Variants in MGMT observed in about 807,000 individuals in gnomAD.
The protein encoded by MGMT is O-6-methylguanine-DNA methyltransferase, also known as methylated-DNA--protein-cysteine methyltransferase.
Under a neutral mutation model 15.9 loss-of-function variants are expected in MGMT, and 14 were observed. That is an observed-to-expected ratio of 0.88 (90% confidence interval 0.58 to 1.37). The LOEUF (loss-of-function observed/expected upper bound fraction) is 1.37, where lower values mean the gene tolerates loss of function less well. MGMT is among the 40% of genes most tolerant of loss of function. The pLI, the probability that MGMT is intolerant of heterozygous loss-of-function variation, is 0.00. For synonymous variants in MGMT, 130 were observed against 118.2 expected (o/e 1.10, Z -0.65); for missense variants, 282 against 268.1 (o/e 1.05, Z -0.36).
intron 4 of MGMT, among the ~76,000 whole-genome samples, chr10:129,766,400 A>G (rs1376912967): frequency 6.6e-6 from 1 of 152,054 alleles, no homozygotes; most frequent in Admixed American, 6.5e-5. Flanking sequence ...GTACCTGGGG[A>G]GTGTTTGAGA....
chr10:129,581,944 G>T (rs1469371675), intron 2 of MGMT, among the ~76,000 whole-genome samples: 3 of 152,216 alleles, frequency 2.0e-5, no homozygotes, highest in Non-Finnish European at 4.4e-5. Context: ...ACTTTCTGCT[G>T]CCTGGCCGGC....
At chr10:129,660,775 AACACACAC>A (rs10634898) in intron 2 of MGMT, among the ~76,000 whole-genome samples, 23 of 149,148 alleles carry the variant, frequency 1.5e-4, no homozygotes, top group African/African-American at 4.7e-4. Context: ...CCCCACCCCC[AACACACAC>A]ACACACACAC....
At chr10:129,536,636 G>C (rs1845988572) in intron 2 of MGMT, 2 of 365,324 alleles carry the variant, frequency 5.5e-6, no homozygotes, top group Non-Finnish European at 4.8e-6. Flanking sequence ...GTAGCTCTAA[G>C]ATGTTTGATT....
intron 2 of MGMT, among the ~76,000 whole-genome samples, chr10:129,676,118 G>A (rs1439673141): frequency 1.3e-5 from 2 of 152,212 alleles, no homozygotes; most frequent in Non-Finnish European, 2.9e-5. Context: ...CCCACACCCA[G>A]ATGGGGAGTC....
intron 1 of MGMT, among the ~76,000 whole-genome samples, chr10:129,486,329 A>G (rs1415033644): frequency 1.3e-5 from 2 of 151,956 alleles, no homozygotes; most frequent in African/African-American, 4.8e-5. Flanking sequence ...CTGGGATTAC[A>G]GGTGCCCATC....
chr10:129,590,489 A>G (rs1331336777), intron 2 of MGMT, among the ~76,000 whole-genome samples: 2 of 152,230 alleles, frequency 1.3e-5, no homozygotes, highest in Non-Finnish European at 2.9e-5. Flanking sequence ...GTGAATCTCT[A>G]TCAGAGCAAA....
chr10:129,549,665 G>A (rs1397952646), intron 2 of MGMT, among the ~76,000 whole-genome samples: 1 of 152,128 alleles, frequency 6.6e-6, no homozygotes, highest in Non-Finnish European at 1.5e-5. Context: ...TTGCAAGCTG[G>A]AACAGTTTTG....
intron 3 of MGMT, among the ~76,000 whole-genome samples, chr10:129,748,699 A>G (rs1589974546): frequency 1.3e-5 from 2 of 152,306 alleles, no homozygotes; most frequent in South Asian, 2.1e-4. Context: ...ACATTTCTGT[A>G]TGCAATTATC....
chr10:129,505,297 T>C (rs1845614454), intron 1 of MGMT, among the ~76,000 whole-genome samples: 1 of 152,222 alleles, frequency 6.6e-6, no homozygotes, highest in African/African-American at 2.4e-5. Context: ...TATGATAGCC[T>C]ACTTTGACTC....
intron 2 of MGMT, among the ~76,000 whole-genome samples, chr10:129,634,648 G>T (rs1847246066): frequency 6.6e-6 from 1 of 151,352 alleles, no homozygotes; most frequent in Non-Finnish European, 1.5e-5. Flanking sequence ...TTCCATTGTA[G>T]GTTTTTTTAG....
intron 4 of MGMT, among the ~76,000 whole-genome samples, chr10:129,761,399 CACTA>C (rs1589980897): frequency 1.3e-5 from 2 of 152,244 alleles, no homozygotes; most frequent in East Asian, 3.9e-4. Context: ...GGACAAGCTC[CACTA>C]ACTGACATGT....
intron 2 of MGMT, among the ~76,000 whole-genome samples, chr10:129,650,430 G>A (rs989750640): frequency 2.6e-5 from 4 of 152,164 alleles, no homozygotes; most frequent in African/African-American, 7.2e-5. Flanking sequence ...TTACCTTTGG[G>A]CTTCCAGAAA....
chr10:129,507,726 C>T (rs1845640160), intron 1 of MGMT, among the ~76,000 whole-genome samples: 1 of 152,180 alleles, frequency 6.6e-6, no homozygotes, highest in Non-Finnish European at 1.5e-5. Context: ...TTTTTATTGT[C>T]CAGCCTCACA....
chr10:129,577,892 C>G (rs938308104), intron 2 of MGMT, among the ~76,000 whole-genome samples: 1 of 152,172 alleles, frequency 6.6e-6, no homozygotes, highest in Non-Finnish European at 1.5e-5. Context: ...AGACACTTCT[C>G]AAAAGAAGAC....
At chr10:129,623,851 C>G (rs489966) in intron 2 of MGMT, among the ~76,000 whole-genome samples, 71,413 of 152,116 alleles carry the variant, frequency 0.47, 17,462 homozygotes, top group East Asian at 0.62. Context: ...ACAGGTATCT[C>G]CATTTGTATA....
intron 2 of MGMT, among the ~76,000 whole-genome samples, chr10:129,542,603 AAAT>A (rs1279366623): frequency 3.3e-5 from 5 of 152,220 alleles, no homozygotes; most frequent in African/African-American, 1.2e-4. Flanking sequence ...CAGTGCCGTG[AAAT>A]AATGATTTGT....
chr10:129,631,427 G>A (rs1317358916), intron 2 of MGMT, among the ~76,000 whole-genome samples: 1 of 152,168 alleles, frequency 6.6e-6, no homozygotes, highest in African/African-American at 2.4e-5. Flanking sequence ...TTTCAGGGTT[G>A]TTTACATTAA....
chr10:129,752,745 ATTATG>A (rs1463530441), intron 3 of MGMT, among the ~76,000 whole-genome samples: 1 of 152,108 alleles, frequency 6.6e-6, no homozygotes, highest in Non-Finnish European at 1.5e-5. Context: ...TAGCTCTCCC[ATTATG>A]TTATAATATC....
At chr10:129,558,109 G>GC (rs1364768662) in intron 2 of MGMT, among the ~76,000 whole-genome samples, 4 of 152,178 alleles carry the variant, frequency 2.6e-5, no homozygotes, top group African/African-American at 7.2e-5. Flanking sequence ...GGCCCCCTGT[G>GC]CGCCCGGGGT....
Sources: gnomAD v4.1 joint callset for allele counts (sites outside exome capture counted in the v4.1 genomes callset) on GRCh38, gnomAD v4.1.1 for gene constraint, MANE v1.5 for transcripts, NCBI Gene and HGNC (gene_info 2026-07-23, HGNC 2026-07-21) for gene names.